The following ACSBG1 variants were observed in gnomAD, a reference collection of about 807,000 sequenced individuals.
ACSBG1 encodes long-chain-fatty-acid--CoA ligase ACSBG1.
Under a neutral mutation model 80.2 loss-of-function variants are expected in ACSBG1, and 39 were observed. The observed-to-expected ratio is 0.49, with a 90% CI of 0.38 to 0.64. ACSBG1 has a LOEUF of 0.64. Ranked by LOEUF, ACSBG1 falls within the 30% of genes least tolerant of loss-of-function variation. The probability of loss-of-function intolerance (pLI) is 0.00; values close to 1 mark genes in which losing one functional copy is unlikely to be tolerated. For missense variants in ACSBG1, 828 were observed against 966.4 expected, an observed-to-expected ratio of 0.86 and a Z score of 1.90; for synonymous variants, 392 against 379.5, an observed-to-expected ratio of 1.03 and a Z score of -0.38.
chr15:78,212,508 C>T (rs567587561), intron 1 of ACSBG1: 7 of 453,862 alleles, frequency 1.5e-5, no homozygotes, highest in South Asian at 3.1e-5. Context: ...AGACTGGCTG[C>T]GGGGCAGGAG....
At chr15:78,204,774 T>C (rs1359504532) in intron 2 of ACSBG1, among the ~76,000 whole-genome samples, 2 of 152,186 alleles carry the variant, frequency 1.3e-5, no homozygotes, top group African/African-American at 2.4e-5. Context: ...CCTCAAACTG[T>C]GAGCTTCTTG....
chr15:78,227,462 A>G (rs758082421), intron 1 of ACSBG1, among the ~76,000 whole-genome samples: 3 of 152,210 alleles, frequency 2.0e-5, no homozygotes, highest in Admixed American at 6.5e-5. Context: ...TATGCTCAAT[A>G]TCATTGATCA....
intron 2 of ACSBG1, among the ~76,000 whole-genome samples, 167 bp from the exon 3 acceptor site, chr15:78,194,893 G>C (rs1028431982): frequency 6.6e-6 from 1 of 152,266 alleles, no homozygotes; most frequent in South Asian, 2.1e-4. Context: ...CTGGGAGACC[G>C]CCTAGAGGAG....
At chr15:78,191,606 G>C (rs543765962) in intron 5 of ACSBG1, among the ~76,000 whole-genome samples, 5 of 152,180 alleles carry the variant, frequency 3.3e-5, no homozygotes, top group Non-Finnish European at 7.3e-5. Flanking sequence ...CAATGAATTA[G>C]AAATTCAACA....
rs1472676123 is a variant in ACSBG1 at position 78,182,051 on chromosome 15, T to C, written c.989A>G (p.His330Arg). ...CAGGTCGTAGATCTGGGCGGCAATA[T>C]GGCTGAGGGGCAGGTAGCTGACTAC... ...EVVVSYLPLS[H>R]IAAQIYDLWT... Residue 330 changes from histidine (H) to arginine (R), a missense_variant, in exon 8 of 14, where the codon CAT becomes CGT. Around this residue, in one of 3 missense-constraint regions of ACSBG1, gnomAD observed 271 missense variants for 375.9 expected, o/e 0.72. Transcript: ENST00000258873. The C allele has an allele frequency of 3.1e-6, 5 of 1,613,946 alleles. No individual in the cohort carries two copies. The highest frequency in any genetic ancestry group is 2.7e-5 in the African/African-American group (2 of 74,920).
intron 2 of ACSBG1, 82 bp downstream of exon 2, chr15:78,207,920 C>CCCCCACCCCCCCCCCCA: frequency 1.2e-6 from 1 of 836,426 alleles, no homozygotes; most frequent in Non-Finnish European, 2.0e-6. Flanking sequence ...GTGGTGGTCC[C>CCCCCACCCCCCCCCCCA]CCACACCACC....
At chr15:78,197,858 CT>C (rs2075129444) in intron 2 of ACSBG1, among the ~76,000 whole-genome samples, 1 of 152,178 alleles carries the variant, frequency 6.6e-6, no homozygotes, top group East Asian at 1.9e-4. Flanking sequence ...CTTCCCTCCC[CT>C]GGCACAGATT....
intron 1 of ACSBG1, among the ~76,000 whole-genome samples, chr15:78,216,033 A>G (rs187278476): frequency 2.5e-4 from 38 of 152,354 alleles, no homozygotes; most frequent in Admixed American, 1.4e-3. Flanking sequence ...ATCTCCTCCC[A>G]AGGCACTCAG....
In ACSBG1 at chr15:78,179,609, G is replaced by T. The variant is rs1213031139; in HGVS notation, c.1425C>A (p.Gly475=). 11 of 1,614,214 alleles carry T rather than the reference G, an allele frequency of 6.8e-6. No individual in the cohort carries two copies. The highest frequency in any genetic ancestry group is 9.3e-6 in the Non-Finnish European group (11 of 1,180,032). ...GLNIRLYAGY[G]LSETSGPHFM... is the part of the protein sequence containing the mutation. Reference sequence around the variant, plus strand: ...AGTGGGGGCCTGAGGTCTCACTGAGGCCGTAGCCCGCATACAAGCGGATGT... The same window carrying T: ...AGTGGGGGCCTGAGGTCTCACTGAGTCCGTAGCCCGCATACAAGCGGATGT... The change falls in exon 10 of 14, where the codon GGC becomes GGA. Residue 475 remains glycine (G), a synonymous_variant. Transcript: ENST00000258873.
intron 5 of ACSBG1, among the ~76,000 whole-genome samples, chr15:78,185,069 G>C (rs1242439367): frequency 1.3e-5 from 2 of 150,680 alleles, no homozygotes; most frequent in East Asian, 3.9e-4. Context: ...GAGAGAGAGA[G>C]AGAGAGAGAG....
intron 1 of ACSBG1, among the ~76,000 whole-genome samples, chr15:78,219,564 G>C (rs1021552010): frequency 2.0e-5 from 3 of 152,194 alleles, no homozygotes; most frequent in Non-Finnish European, 4.4e-5. Context: ...TCATGATCGA[G>C]AGACTTAATA....
chr15:78,197,889 A>G (rs1437470851), intron 2 of ACSBG1, among the ~76,000 whole-genome samples: 2 of 152,050 alleles, frequency 1.3e-5, no homozygotes, highest in Non-Finnish European at 2.9e-5. Context: ...CCTGGACTAC[A>G]GAAAAGGTGA....
In ACSBG1 at chr15:78,202,081, C is replaced by T. The variant is rs369676357; in HGVS notation, c.232+5921G>A. On this transcript the variant is annotated intron_variant, in intron 2 of 13. Transcript: ENST00000258873. Reference sequence around the variant, plus strand: ...GAGTGGAGTGCACAGAAGCAGGTGGCGGCAGTAGGGCAGGGAGAAACTGAA... The same window carrying T: ...GAGTGGAGTGCACAGAAGCAGGTGGTGGCAGTAGGGCAGGGAGAAACTGAA... Among the ~76,000 whole-genome samples the T allele has an allele frequency of 5.7e-4, 87 of 152,242 alleles. 1 individual carries two copies. In the South Asian group the frequency reaches 0.01, roughly 18 times the overall value.
rs193007252 is a variant in ACSBG1 at position 78,180,671 on chromosome 15, A to G, written c.1253+84T>C. The G allele has an allele frequency of 1.1e-5, 16 of 1,523,018 alleles. No individual in the cohort carries two copies. In the Admixed American group the frequency reaches 1.3e-4, roughly 13 times the overall value. 94.3% of individuals were successfully genotyped at this position (1,523,018 alleles called of 1,614,324 possible). ...CCCGGCCACTGGAACCGGGACAGGC[A>G]TGGCGTATCAGACCCTCACTGTGTT... On this transcript the variant is annotated intron_variant, in intron 9 of 13. Transcript: ENST00000258873.
At chr15:78,222,711 T>C (rs2075368787) in intron 1 of ACSBG1, among the ~76,000 whole-genome samples, 1 of 152,084 alleles carries the variant, frequency 6.6e-6, no homozygotes, top group Non-Finnish European at 1.5e-5. Flanking sequence ...TGAGGTGGGA[T>C]GGGGTGGGGA....
chr15:78,197,065 G>GA (rs1041978422), intron 2 of ACSBG1, among the ~76,000 whole-genome samples: 3 of 150,212 alleles, frequency 2.0e-5, no homozygotes, highest in Admixed American at 6.6e-5. Flanking sequence ...CCCAGCCTCA[G>GA]AAAAAAAATT....
At chr15:78,229,020 T>G (rs1040299198) in intron 1 of ACSBG1, among the ~76,000 whole-genome samples, 2 of 152,158 alleles carry the variant, frequency 1.3e-5, no homozygotes, top group Admixed American at 6.5e-5. Flanking sequence ...TAACATAAAA[T>G]TTTCCATTTG....
chr15:78,189,433 A>C (rs1169167665), intron 5 of ACSBG1, among the ~76,000 whole-genome samples: 3 of 151,744 alleles, frequency 2.0e-5, no homozygotes, highest in Admixed American at 2.0e-4. Flanking sequence ...AATGTCCAAC[A>C]ATGATAGACT....
chr15:78,228,000 C>T (rs1405669556), intron 1 of ACSBG1, among the ~76,000 whole-genome samples: 2 of 152,224 alleles, frequency 1.3e-5, no homozygotes. Flanking sequence ...ATTGACTAAT[C>T]TCTTGCCTTA....
Sources: gnomAD v4.1 joint callset for allele counts (sites outside exome capture counted in the v4.1 genomes callset) on GRCh38, gnomAD v4.1.1 for gene constraint, gnomAD v4.1.1 regional missense constraint, MANE v1.5 for transcripts, NCBI Gene and HGNC (gene_info 2026-07-23, HGNC 2026-07-21) for gene names.